Variants in CDH12 observed in about 807,000 individuals in gnomAD.
The protein encoded by CDH12 is cadherin 12, also known as cadherin-12.
CDH12 carries 41 observed loss-of-function variants against 74.1 expected under a neutral mutation model. That is an observed-to-expected ratio of 0.55 (90% confidence interval 0.43 to 0.72). CDH12 has a LOEUF of 0.72. Among genes scored for constraint, CDH12 ranks in the 30% least tolerant of loss-of-function variants. The pLI is 0.00. For synonymous variants in CDH12, 399 were observed against 355.0 expected, an observed-to-expected ratio of 1.12 and a Z score of -1.39; for missense variants, 945 against 977.2, an observed-to-expected ratio of 0.97 and a Z score of 0.44.
At chr5:22,033,263 C>A (rs1232917422) in intron 5 of CDH12, among the ~76,000 whole-genome samples, 2 of 152,240 alleles carry the variant, frequency 1.3e-5, no homozygotes, top group African/African-American at 4.8e-5. Context: ...CAAGAACAAA[C>A]CAAGCAAGGT....
chr5:21,844,547 G>A (rs986494816), intron 7 of CDH12, among the ~76,000 whole-genome samples: 3 of 152,130 alleles, frequency 2.0e-5, no homozygotes, highest in African/African-American at 7.2e-5. Flanking sequence ...AGGGCTAGAA[G>A]CAGCAGAGAC....
At chr5:21,958,870 A>C (rs796216873) in intron 6 of CDH12, among the ~76,000 whole-genome samples, 3 of 152,132 alleles carry the variant, frequency 2.0e-5, no homozygotes, top group South Asian at 2.1e-4. Context: ...TTAATCTGTA[A>C]ATTGATTTGT....
chr5:22,702,555 A>G (rs1202079279), intron 1 of CDH12, among the ~76,000 whole-genome samples: 1 of 151,630 alleles, frequency 6.6e-6, no homozygotes, highest in Non-Finnish European at 1.5e-5. Flanking sequence ...TCCTTGATCT[A>G]TTTTGACTTT....
intron 6 of CDH12, among the ~76,000 whole-genome samples, chr5:21,920,704 A>G (rs916237941): frequency 6.7e-6 from 1 of 150,278 alleles, no homozygotes; most frequent in African/African-American, 2.4e-5. Flanking sequence ...CAAAGCCAAT[A>G]TAGCCATTTT....
chr5:21,905,643 T>G (rs1219446606), intron 6 of CDH12, among the ~76,000 whole-genome samples: 2 of 152,224 alleles, frequency 1.3e-5, no homozygotes, highest in Admixed American at 6.5e-5. Flanking sequence ...CAGTCTGTGT[T>G]TTTTGTTTTC....
chr5:22,636,379 G>A (rs2126863834), intron 1 of CDH12, among the ~76,000 whole-genome samples: 1 of 152,088 alleles, frequency 6.6e-6, no homozygotes, highest in Admixed American at 6.5e-5. Flanking sequence ...TATTCATATT[G>A]GCATTATTTA....
chr5:21,799,065 C>T (rs1233755587), intron 10 of CDH12, among the ~76,000 whole-genome samples: 1 of 152,082 alleles, frequency 6.6e-6, no homozygotes, highest in East Asian at 1.9e-4. Flanking sequence ...CAAATAACAA[C>T]TCAACAGTCA....
intron 1 of CDH12, among the ~76,000 whole-genome samples, chr5:22,680,529 G>A (rs995915737): frequency 1.3e-5 from 2 of 151,988 alleles, no homozygotes; most frequent in Non-Finnish European, 2.9e-5. Context: ...TGACTTGCCC[G>A]AAGACACAAG....
At chr5:22,399,413 C>G (rs1407572631) in intron 3 of CDH12, among the ~76,000 whole-genome samples, 1 of 152,022 alleles carries the variant, frequency 6.6e-6, no homozygotes, top group Non-Finnish European at 1.5e-5. Flanking sequence ...ATATTTCAAA[C>G]CTAGCCTGAA....
chr5:22,808,762 GTTTTTTT>G (rs70959757), intron 1 of CDH12, among the ~76,000 whole-genome samples: 1 of 41,726 alleles, frequency 2.4e-5, no homozygotes, highest in Non-Finnish European at 4.9e-5. Flanking sequence ...ACCACACCTG[GTTTTTTT>G]TTTTTTTTTT....
chr5:22,641,216 G>C (rs1739132076), intron 1 of CDH12, among the ~76,000 whole-genome samples: 1 of 152,070 alleles, frequency 6.6e-6, no homozygotes, highest in Non-Finnish European at 1.5e-5. Flanking sequence ...CAATTCCAAA[G>C]GTCTCAGAAC....
intron 5 of CDH12, among the ~76,000 whole-genome samples, chr5:21,981,368 AT>A (rs1428754870): frequency 1.3e-5 from 2 of 151,860 alleles, no homozygotes; most frequent in African/African-American, 4.8e-5. Context: ...TAGTCTATAT[AT>A]TTTTTACATA....
At chr5:21,999,533 G>A (rs548362353) in intron 5 of CDH12, among the ~76,000 whole-genome samples, 26 of 152,252 alleles carry the variant, frequency 1.7e-4, no homozygotes, top group African/African-American at 6.0e-4. Flanking sequence ...TATATTCCCA[G>A]ATCATGTCTC....
intron 1 of CDH12, among the ~76,000 whole-genome samples, chr5:22,720,663 A>G (rs1278178530): frequency 6.6e-6 from 1 of 152,154 alleles, no homozygotes; most frequent in Non-Finnish European, 1.5e-5. Flanking sequence ...AGACAGGAAG[A>G]TGTGGGAAAG....
chr5:22,537,226 G>T (rs539023004), intron 1 of CDH12, among the ~76,000 whole-genome samples: 1 of 152,222 alleles, frequency 6.6e-6, no homozygotes, highest in Admixed American at 6.5e-5. Flanking sequence ...CATCAACTGG[G>T]TAAGAATACT....
At chr5:22,253,094 CTTTA>C (rs1753188496) in intron 3 of CDH12, among the ~76,000 whole-genome samples, 2 of 151,794 alleles carry the variant, frequency 1.3e-5, no homozygotes, top group Admixed American at 6.6e-5. Context: ...TACAGGAAAT[CTTTA>C]TTTATTATCT....
intron 5 of CDH12, among the ~76,000 whole-genome samples, chr5:21,991,223 C>T (rs981544271): frequency 5.3e-5 from 8 of 151,622 alleles, no homozygotes; most frequent in African/African-American, 1.7e-4. Flanking sequence ...TATGGTTGTG[C>T]ACATTGTGCC....
chr5:21,950,351 T>C (rs192681608), intron 6 of CDH12, among the ~76,000 whole-genome samples: 2 of 152,086 alleles, frequency 1.3e-5, no homozygotes, highest in Admixed American at 6.5e-5. Flanking sequence ...TTAAAAACAC[T>C]ATAAATAAAT....
intron 1 of CDH12, among the ~76,000 whole-genome samples, chr5:22,520,162 C>T (rs1428911036): frequency 6.6e-6 from 1 of 152,064 alleles, no homozygotes; most frequent in African/African-American, 2.4e-5. Context: ...AGTTAACTGT[C>T]CTAGCCAGTA....
Sources: gnomAD v4.1 joint callset for allele counts (sites outside exome capture counted in the v4.1 genomes callset) on GRCh38, gnomAD v4.1.1 for gene constraint, MANE v1.5 for transcripts, NCBI Gene and HGNC (gene_info 2026-07-23, HGNC 2026-07-21) for gene names.